The following IGSF11 variants were observed in gnomAD, a reference collection of about 807,000 sequenced individuals.
IGSF11 encodes immunoglobulin superfamily member 11.
A neutral mutation model predicts 41.0 loss-of-function variants in IGSF11; 22 were observed. That is an observed-to-expected ratio of 0.54 (90% confidence interval 0.38 to 0.77). The LOEUF (loss-of-function observed/expected upper bound fraction) is 0.77, where lower values mean the gene tolerates loss of function less well. Among genes scored for constraint, IGSF11 ranks in the 30% least tolerant of loss-of-function variants. The pLI, the probability that IGSF11 is intolerant of heterozygous loss-of-function variation, is 0.00. For missense variants in IGSF11, 444 were observed against 530.8 expected (o/e 0.84, Z 1.61); for synonymous variants, 219 against 201.3 (o/e 1.09, Z -0.74).
chr3:118,955,948 A>G (rs1023271781), intron 1 of IGSF11, among the ~76,000 whole-genome samples: 3 of 152,154 alleles, frequency 2.0e-5, no homozygotes, highest in African/African-American at 7.2e-5. Flanking sequence ...TCCATTGAAA[A>G]TCTGTTGTTT....
chr3:119,003,373 G>T (rs1230005504), intron 1 of IGSF11, among the ~76,000 whole-genome samples: 1 of 149,326 alleles, frequency 6.7e-6, no homozygotes, highest in Non-Finnish European at 1.5e-5. Context: ...GAGATTTTGG[G>T]CTGAGACGAT....
chr3:119,068,112 A>G (rs955448684), intron 1 of IGSF11, among the ~76,000 whole-genome samples: 1 of 152,224 alleles, frequency 6.6e-6, no homozygotes, highest in Non-Finnish European at 1.5e-5. Context: ...CACTGCTACA[A>G]GATAAATGGG....
At chr3:119,102,997 ATTTT>A (rs142951970) in intron 1 of IGSF11, among the ~76,000 whole-genome samples, 4 of 126,832 alleles carry the variant, frequency 3.2e-5, no homozygotes, top group East Asian at 2.3e-4. Context: ...TACTTGGCCA[ATTTT>A]TTTTTTTTTT....
Position 118,908,578 on chromosome 3 carries a change from GAATA to G in IGSF11, c.581-2864_581-2861del, listed in dbSNP as rs1412316465. Among the ~76,000 whole-genome samples, 6 of 152,282 alleles carry G rather than the reference GAATA, an allele frequency of 3.9e-5. No individual in the cohort carries two copies. The East Asian group carries it at 1.2e-3, about 29-fold the overall frequency. On this transcript the variant is annotated intron_variant, in intron 4 of 6. Coordinates refer to ENST00000393775, the MANE Select transcript of IGSF11 (RefSeq NM_001015887.3). The stretch of plus-strand genomic sequence containing the variant: ...CAGGGAAGTATTTTTCTGAAATAGA[GAATA>G]AATATATTTTTTAGCTTCTTTTAAA...
chr3:119,105,674 C>G (rs2077011344), upstream of IGSF11, among the ~76,000 whole-genome samples: 2 of 152,154 alleles, frequency 1.3e-5, no homozygotes, highest in African/African-American at 4.8e-5. Flanking sequence ...CAAGCTCTTT[C>G]AGATTAGGAA....
At chr3:118,969,636 T>C (rs1185205885) in intron 1 of IGSF11, among the ~76,000 whole-genome samples, 1 of 152,164 alleles carries the variant, frequency 6.6e-6, no homozygotes, top group Non-Finnish European at 1.5e-5. Flanking sequence ...GTGCAAGCAA[T>C]TGGGAGTTTA....
chr3:119,107,303 C>T (rs1644063198), upstream of IGSF11, among the ~76,000 whole-genome samples: 1 of 152,206 alleles, frequency 6.6e-6, no homozygotes. Flanking sequence ...GATGGTATCT[C>T]ATTGTGGTTT....
At chr3:119,021,770 A>C (rs1401724688) in intron 1 of IGSF11, among the ~76,000 whole-genome samples, 2 of 152,208 alleles carry the variant, frequency 1.3e-5, no homozygotes, top group African/African-American at 4.8e-5. Context: ...ACATTGAGAA[A>C]GGCAAAAAAT....
chr3:118,999,299 T>C (rs1423724500), intron 1 of IGSF11, among the ~76,000 whole-genome samples: 1 of 152,066 alleles, frequency 6.6e-6, no homozygotes, highest in Non-Finnish European at 1.5e-5. Flanking sequence ...ATAAGAGTAC[T>C]TGAAAAGAAA....
intron 1 of IGSF11, among the ~76,000 whole-genome samples, chr3:119,017,725 C>G (rs1938864691): frequency 6.7e-6 from 1 of 148,200 alleles, no homozygotes; most frequent in African/African-American, 2.5e-5. Context: ...CTTTTCTCCT[C>G]TAAAATTATA....
In IGSF11 at chr3:118,902,280, A is replaced by G. The variant is rs148183787; in HGVS notation, c.*240T>C. The stretch of plus-strand genomic sequence containing the variant: ...TGTATCTTTTTCCTTGGCTTGGCAC[A>G]TCTTTGAGATCCAGCAGAATCCCAG... On this transcript the variant is annotated 3_prime_UTR_variant, in exon 7 of 7. Coordinates refer to ENST00000393775, the MANE Select transcript of IGSF11 (RefSeq NM_001015887.3). 396 of 466,858 alleles carry G rather than the reference A, an allele frequency of 8.5e-4. No individual in the cohort carries two copies. Among genetic ancestry groups the G allele is most frequent in the African/African-American group, 6.5e-3 (340 of 51,972 alleles). 28.9% of individuals were successfully genotyped at this position (466,858 alleles called of 1,614,324 possible).
chr3:119,125,863 G>A (rs1430399710), intron 1 of IGSF11, among the ~76,000 whole-genome samples: 2 of 152,202 alleles, frequency 1.3e-5, no homozygotes, highest in African/African-American at 2.4e-5. Context: ...GGCGGTGAGT[G>A]AGCATGCTAC....
chr3:119,101,474 G>T (rs756419707), intron 1 of IGSF11, among the ~76,000 whole-genome samples: 1 of 152,018 alleles, frequency 6.6e-6, no homozygotes, highest in South Asian at 2.1e-4. Flanking sequence ...ATCCCATCCC[G>T]CACTCCAGCC....
At chr3:119,081,503 G>A (rs2076585875) in intron 1 of IGSF11, among the ~76,000 whole-genome samples, 1 of 152,102 alleles carries the variant, frequency 6.6e-6, no homozygotes, top group Non-Finnish European at 1.5e-5. Context: ...CACTAAGTAT[G>A]GACTAAATAT....
chr3:118,993,726 CATT>C (rs1445254707), intron 1 of IGSF11, among the ~76,000 whole-genome samples: 2 of 152,052 alleles, frequency 1.3e-5, no homozygotes, highest in Admixed American at 6.5e-5. Context: ...ACCTTGAAAA[CATT>C]ATATAAAGTG....
chr3:119,139,249 T>A (rs1197378969), intron 1 of IGSF11, among the ~76,000 whole-genome samples: 1 of 152,144 alleles, frequency 6.6e-6, no homozygotes, highest in African/African-American at 2.4e-5. Context: ...TCCTGCCATA[T>A]AAAATACTAA....
intron 1 of IGSF11, among the ~76,000 whole-genome samples, chr3:119,063,989 A>G (rs1942138865): frequency 6.6e-6 from 1 of 152,176 alleles, no homozygotes; most frequent in Non-Finnish European, 1.5e-5. Flanking sequence ...GGTCTCATGG[A>G]GTTGCACATG....
chr3:119,035,033 C>G (rs868456833), upstream of IGSF11: 1 of 166,914 alleles, frequency 6.0e-6, no homozygotes, highest in African/African-American at 2.4e-5. Context: ...GCGCGGCCCC[C>G]GCCACCTGTG....
intron 1 of IGSF11, among the ~76,000 whole-genome samples, chr3:119,010,070 A>C (rs1937922350): frequency 2.0e-5 from 3 of 152,244 alleles, no homozygotes; most frequent in Admixed American, 2.0e-4. Context: ...AGATGAAAAA[A>C]GTAGAGAAAG....
Sources: gnomAD v4.1 joint callset for allele counts (sites outside exome capture counted in the v4.1 genomes callset) on GRCh38, gnomAD v4.1.1 for gene constraint, MANE v1.5 for transcripts, NCBI Gene and HGNC (gene_info 2026-07-23, HGNC 2026-07-21) for gene names.